BRF1: variants seen among roughly 807,000 people sequenced by gnomAD.
The protein encoded by BRF1 is transcription factor IIIB 90 kDa subunit.
In BRF1, 59 loss-of-function variants were observed where a neutral mutation model predicts 81.7. That is an observed-to-expected ratio of 0.72 (90% CI 0.59 to 0.90). The LOEUF (loss-of-function observed/expected upper bound fraction) is 0.90, where lower values mean the gene tolerates loss of function less well. Ranked by LOEUF, BRF1 falls within the 40% of genes least tolerant of loss-of-function variation. The probability of loss-of-function intolerance (pLI) is 0.00; values close to 1 mark genes in which losing one functional copy is unlikely to be tolerated. For missense variants in BRF1, 1,050 were observed against 936.3 expected, an observed-to-expected ratio of 1.12 and a Z score of -1.58; for synonymous variants, 491 against 395.6, an observed-to-expected ratio of 1.24 and a Z score of -2.86.
intron 2 of BRF1, among the ~76,000 whole-genome samples, chr14:105,274,174 TC>T (rs1595443125): frequency 6.6e-6 from 1 of 152,182 alleles, no homozygotes; most frequent in East Asian, 1.9e-4. Context: ...CATAGTACCT[TC>T]CCTTGAACTT....
chr14:105,241,500 C>G (rs959005912), intron 5 of BRF1, 86 bp from the exon 6 acceptor site: 35 of 1,553,284 alleles, frequency 2.3e-5, no homozygotes, highest in Non-Finnish European at 2.8e-5. Flanking sequence ...GGTGGGGCAA[C>G]CTGCACTTGT....
Position 105,249,278 on chromosome 14 carries a change from T to TGCCCCGTCC in BRF1, c.544+3220_544+3228dup, listed in dbSNP as rs753452209. 1.0e-4 allele frequency: 163 copies of TGCCCCGTCC among 1,564,946 alleles called. 1 individual carries two copies. In the Middle Eastern group the frequency reaches 1.8e-3, roughly 17 times the overall value. On this transcript the variant is annotated intron_variant, in intron 5 of 17. Coordinates refer to ENST00000547530, the MANE Select transcript of BRF1 (RefSeq NM_001519.4). ...TAGCGGCGGCCCCTCTCGGAACGCG[T>TGCCCCGTCC]GCCCCGTCCGCCCCGTCCGCCGTGT...
intron 3 of BRF1, among the ~76,000 whole-genome samples, chr14:105,260,386 T>TC (rs778735374): frequency 9.2e-5 from 14 of 152,100 alleles, no homozygotes; most frequent in South Asian, 4.2e-4. Context: ...TTTTTTTTTT[T>TC]CCCGAGATGA....
intron 3 of BRF1, among the ~76,000 whole-genome samples, chr14:105,258,041 T>C (rs989409639): frequency 1.3e-5 from 2 of 152,224 alleles, no homozygotes; most frequent in South Asian, 2.1e-4. Flanking sequence ...ACTTTTCTTA[T>C]CAACAACTTG....
chr14:105,300,688 T>G lies in BRF1; in HGVS notation c.-59A>C, dbSNP rs1004442877. On this transcript the variant is annotated 5_prime_UTR_variant, in exon 1 of 18. Transcript: ENST00000547530. ...CCAAGACTCTCAAGCCACCCGAGCC[T>G]CCGGAGCAGCCCGCGCCGCCCGCCC... 5 of 1,230,268 alleles carry G rather than the reference T, an allele frequency of 4.1e-6. No homozygotes were observed. In the African/African-American group the frequency reaches 7.9e-5, roughly 19 times the overall value. The allele number at this position is 1,230,268 out of a possible 1,614,324, so 76.2% of individuals were successfully genotyped here.
At chr14:105,213,328 A>G (rs1890460287) in intron 15 of BRF1, 1 of 151,722 alleles carries the variant, frequency 6.6e-6, no homozygotes, top group Non-Finnish European at 1.5e-5. Context: ...AGTCCCCAGG[A>G]GATTCATGCT....
chr14:105,281,746 T>C (rs2057114118), intron 2 of BRF1, among the ~76,000 whole-genome samples: 1 of 146,268 alleles, frequency 6.8e-6, no homozygotes, highest in African/African-American at 2.5e-5. Context: ...TTACAAGTCT[T>C]TTTTTTTTTT....
chr14:105,229,730 T>C (rs1595339101), intron 6 of BRF1, among the ~76,000 whole-genome samples: 1 of 51,350 alleles, frequency 1.9e-5, no homozygotes, highest in Non-Finnish European at 4.0e-5. Flanking sequence ...GTCCGCGTAG[T>C]CGCCCAGCTG....
chr14:105,219,914 C>T (rs587605376), intron 12 of BRF1, 155 bp downstream of exon 12: 27 of 795,634 alleles, frequency 3.4e-5, no homozygotes, highest in Middle Eastern at 3.0e-4. Context: ...GGGGGGGTCC[C>T]GGGAACAGTG....
chr14:105,223,930 CA>C (rs1289279777), intron 10 of BRF1, among the ~76,000 whole-genome samples: 1 of 152,240 alleles, frequency 6.6e-6, no homozygotes, highest in Non-Finnish European at 1.5e-5. Context: ...GCTGTTGCCA[CA>C]AGTAGCTCTA....
chr14:105,255,962 A>C (rs1356216714), intron 4 of BRF1, among the ~76,000 whole-genome samples: 1 of 152,040 alleles, frequency 6.6e-6, no homozygotes, highest in African/African-American at 2.4e-5. Flanking sequence ...CCCCGTCTCT[A>C]CTAAAAATAC....
At chr14:105,268,148 G>C (rs926976317) in intron 3 of BRF1, among the ~76,000 whole-genome samples, 1 of 152,254 alleles carries the variant, frequency 6.6e-6, no homozygotes, top group Non-Finnish European at 1.5e-5. Context: ...GGGCAGCCTG[G>C]CTGGACAGGA....
chr14:105,217,677 T>C lies in BRF1; in HGVS notation c.1639A>G (p.Ser547Gly), dbSNP rs1277337087. The change falls in exon 15 of 18, where the codon AGC (serine) becomes GGC (glycine). Residue 547 changes from serine (S) to glycine (G), a missense_variant. This residue lies in a region of BRF1 where 1,043 missense variants were observed against 915.4 expected (regional missense o/e 1.14). Transcript: ENST00000547530. ...TGCGGACTGCCCCCGCCGGCGCTGCTGAGGCCCCGGAGCACGCTATAATTG... is the reference window on the plus strand; with the variant it reads ...TGCGGACTGCCCCCGCCGGCGCTGCCGAGGCCCCGGAGCACGCTATAATTG... ...KINYSVLRGL[S>G]SAGGGSPHRE... 1 of 1,613,438 alleles carries C rather than the reference T, an allele frequency of 6.2e-7. No homozygotes were observed. Among genetic ancestry groups the C allele is most frequent in the East Asian group, 2.2e-5 (1 of 44,884 alleles).
chr14:105,225,941 C>T (rs750943297), intron 10 of BRF1, 128 bp downstream of exon 10: 21 of 973,604 alleles, frequency 2.2e-5, no homozygotes, highest in Middle Eastern at 6.6e-4. Context: ...CCACCCTGCC[C>T]GGTGGTAAAC....
At chr14:105,268,472 C>T (rs587749286) in intron 3 of BRF1, among the ~76,000 whole-genome samples, 6 of 152,336 alleles carry the variant, frequency 3.9e-5, no homozygotes, top group East Asian at 3.9e-4. Context: ...CACCAGGCTA[C>T]GGGGCCAAGA....
chr14:105,212,161 CAACCT>C lies in BRF1; in HGVS notation c.1773-2_1775del. On this transcript the variant is annotated splice_acceptor_variant and coding_sequence_variant, in exon 16 of 18. Transcript: ENST00000547530. LOFTEE classifies it high-confidence loss of function. ...CTGGCTGCGTAGACACCAGAGGCCTCAACCTGCAAAAGGAAGCACAGCATGGCGGC... is the reference window on the plus strand; with the variant it reads ...CTGGCTGCGTAGACACCAGAGGCCTCGCAAAAGGAAGCACAGCATGGCGGC... 2 of 1,612,126 alleles carry C rather than the reference CAACCT, an allele frequency of 1.2e-6. No individual in the cohort carries two copies. The highest frequency in any genetic ancestry group is 8.5e-7 in the Non-Finnish European group (1 of 1,179,378).
intron 3 of BRF1, among the ~76,000 whole-genome samples, chr14:105,257,277 G>C (rs183368313): frequency 6.6e-6 from 1 of 152,330 alleles, no homozygotes; most frequent in African/African-American, 2.4e-5. Context: ...GTAGCTTCGA[G>C]AAGTCACTAA....
At chr14:105,280,704 T>A (rs1178610929) in intron 2 of BRF1, among the ~76,000 whole-genome samples, 1 of 148,074 alleles carries the variant, frequency 6.8e-6, no homozygotes, top group Non-Finnish European at 1.5e-5. Context: ...GGCTGCGTGA[T>A]CCTGAGTCCG....
At chr14:105,273,705 G>A (rs1445194423) in intron 2 of BRF1, among the ~76,000 whole-genome samples, 1 of 152,166 alleles carries the variant, frequency 6.6e-6, no homozygotes, top group Non-Finnish European at 1.5e-5. Context: ...AGTGTTCACA[G>A]GCAGTATGCT....
Sources: gnomAD v4.1 joint callset for allele counts (sites outside exome capture counted in the v4.1 genomes callset) on GRCh38, gnomAD v4.1.1 for gene constraint, gnomAD v4.1.1 regional missense constraint, MANE v1.5 for transcripts, NCBI Gene and HGNC (gene_info 2026-07-23, HGNC 2026-07-21) for gene names.